GRIN2B: variants seen among roughly 807,000 people sequenced by gnomAD.
The protein encoded by GRIN2B is glutamate receptor ionotropic, NMDA 2B.
In GRIN2B, 5 loss-of-function variants were observed where a neutral mutation model predicts 114.5. The ratio of observed to expected loss-of-function variants is 0.04; its 90% CI spans 0.02 to 0.09. The LOEUF (loss-of-function observed/expected upper bound fraction) is 0.09. Among genes scored for constraint, GRIN2B ranks in the 10% least tolerant of loss-of-function variants. GRIN2B has a pLI of 1.00. For synonymous variants in GRIN2B, 787 were observed against 745.1 expected (o/e 1.06, Z -0.92); for missense variants, 1,108 against 1,943.5 (o/e 0.57, Z 8.08).
chr12:13,625,842 T>C (rs371612838), intron 5 of GRIN2B, among the ~76,000 whole-genome samples: 23 of 152,158 alleles, frequency 1.5e-4, no homozygotes, highest in African/African-American at 4.8e-4. Flanking sequence ...AAGAGTCCCA[T>C]TGAGCGAGGT....
At chr12:13,811,149 G>A (rs997881662) in intron 3 of GRIN2B, among the ~76,000 whole-genome samples, 9 of 152,312 alleles carry the variant, frequency 5.9e-5, no homozygotes, top group African/African-American at 2.2e-4. Context: ...TGTTCGGGAA[G>A]GGGATAAGAA....
chr12:13,765,053 C>T (rs760644641), intron 3 of GRIN2B, among the ~76,000 whole-genome samples: 4 of 152,216 alleles, frequency 2.6e-5, no homozygotes, highest in Non-Finnish European at 5.9e-5. Context: ...AGGCTCACAT[C>T]GGCCAACTGT....
At chr12:13,677,990 C>A (rs762317120) in intron 4 of GRIN2B, among the ~76,000 whole-genome samples, 9 of 152,070 alleles carry the variant, frequency 5.9e-5, no homozygotes, top group Non-Finnish European at 1.2e-4. Context: ...GGCAGATGCA[C>A]CTGACAGCAA....
chr12:13,594,131 C>A (rs112249282), intron 10 of GRIN2B, among the ~76,000 whole-genome samples: 10 of 152,264 alleles, frequency 6.6e-5, no homozygotes, highest in African/African-American at 2.4e-4. Flanking sequence ...CCTCAAGGAT[C>A]TAGAACTAGA....
chr12:13,981,758 G>T (rs1206013597), upstream of GRIN2B, among the ~76,000 whole-genome samples: 1 of 151,844 alleles, frequency 6.6e-6, no homozygotes. Flanking sequence ...CAGCCGGAGA[G>T]GGAGAGCAGG....
At chr12:13,623,350 T>C (rs549442513) in intron 5 of GRIN2B, among the ~76,000 whole-genome samples, 1 of 152,212 alleles carries the variant, frequency 6.6e-6, no homozygotes. Flanking sequence ...AGGATATGTA[T>C]GTTTTTAAAT....
At chr12:13,938,160 C>G (rs1056895275) in intron 2 of GRIN2B, among the ~76,000 whole-genome samples, 39 of 151,800 alleles carry the variant, frequency 2.6e-4, no homozygotes, top group African/African-American at 8.9e-4. Context: ...AACAGAGAAG[C>G]AATGAAAATC....
rs1283762707 is a variant in GRIN2B, at chr12:13,586,949, C to T, written c.2011-14985G>A. 8.5e-5 allele frequency among the ~76,000 whole-genome samples: 13 copies of T among 152,122 alleles called. 1 individual carries two copies. The highest frequency in any genetic ancestry group is 8.5e-4 in the Admixed American group (13 of 15,254). ...TCATTGACTAGTTGGTTAATTAATT[C>T]ATCTATTAATATGTGAGCACCTATA... On this transcript the variant is annotated intron_variant, in intron 10 of 13. Transcript: ENST00000609686.
chr12:13,842,480 C>A (rs1002543330), intron 3 of GRIN2B, among the ~76,000 whole-genome samples: 2 of 151,998 alleles, frequency 1.3e-5, no homozygotes, highest in African/African-American at 4.8e-5. Flanking sequence ...AATTTCTGTG[C>A]CATTTTCTCC....
intron 2 of GRIN2B, among the ~76,000 whole-genome samples, chr12:13,971,987 AG>A (rs1862931518): frequency 6.6e-6 from 1 of 152,178 alleles, no homozygotes; most frequent in African/African-American, 2.4e-5. Flanking sequence ...ATCATAGAAC[AG>A]TTTAACAGTG....
chr12:13,924,013 G>A (rs554950213), intron 2 of GRIN2B, among the ~76,000 whole-genome samples: 2 of 152,214 alleles, frequency 1.3e-5, no homozygotes, highest in Admixed American at 1.3e-4. Flanking sequence ...CTCAGTTTTG[G>A]AGAGAATGAA....
chr12:13,804,642 A>C (rs756568304), intron 3 of GRIN2B, among the ~76,000 whole-genome samples: 1 of 152,070 alleles, frequency 6.6e-6, no homozygotes, highest in Non-Finnish European at 1.5e-5. Context: ...ACACTAATTA[A>C]AACTTCTGAT....
rs200781154 is a variant in GRIN2B at position 13,631,543 on chromosome 12, T to TA, written c.1126-14887dup. On this transcript the variant is annotated intron_variant, in intron 5 of 13. Transcript: ENST00000609686. Reference sequence around the variant, plus strand: ...AAAAAGAAAAGAAAAAAAAGAAAAATACTCAGTGTTTAGAGAGTAACAAAT... The same window carrying TA: ...AAAAAGAAAAGAAAAAAAAGAAAAATAACTCAGTGTTTAGAGAGTAACAAAT... Among the ~76,000 whole-genome samples, 1,066 of 152,112 alleles carry TA rather than the reference T, an allele frequency of 7.0e-3. 6 individuals are homozygous for TA. Among genetic ancestry groups the TA allele is most frequent in the Middle Eastern group, 0.024 (7 of 292 alleles).
At chr12:13,890,623 GAGA>G (rs1325391243) in intron 2 of GRIN2B, among the ~76,000 whole-genome samples, 4 of 152,144 alleles carry the variant, frequency 2.6e-5, no homozygotes, top group South Asian at 2.1e-4. Flanking sequence ...TATATTTCTT[GAGA>G]AGAAGGGGTG....
rs986289082 is a variant in GRIN2B, at chr12:13,876,669, C to T, written c.-18-10443G>A. On this transcript the variant is annotated intron_variant, in intron 2 of 13. Coordinates refer to ENST00000609686, the MANE Select transcript of GRIN2B (RefSeq NM_000834.5). ...TATTACTGACATCAGAATAGTCACACGTCAGATTTGGAATCAATATCTTCA... is the reference window on the plus strand; with the variant it reads ...TATTACTGACATCAGAATAGTCACATGTCAGATTTGGAATCAATATCTTCA... Among the ~76,000 whole-genome samples the T allele has an allele frequency of 4.6e-5, 7 of 152,222 alleles. 1 individual carries two copies. Among genetic ancestry groups the T allele is most frequent in the South Asian group, 4.2e-4 (2 of 4,812 alleles).
In GRIN2B at chr12:13,557,065, T is replaced by C. The variant is rs1245191656; in HGVS notation, c.*5718A>G. ...TGAGGGCCTTTGTCATAGGAATAGA[T>C]AGGCTATCTCTTCTAAGTCATAGAG... On this transcript the variant is annotated 3_prime_UTR_variant, in exon 14 of 14. Coordinates refer to ENST00000609686, the MANE Select transcript of GRIN2B (RefSeq NM_000834.5). 3 of 152,214 alleles carry C rather than the reference T, an allele frequency of 2.0e-5. No homozygotes were observed. Among genetic ancestry groups the C allele is most frequent in the Non-Finnish European group, 4.4e-5 (3 of 68,038 alleles). The allele number at this position is 152,214 out of a possible 1,614,324, so 9.4% of individuals were successfully genotyped here.
chr12:13,897,092 A>G (rs1018188644), intron 2 of GRIN2B, among the ~76,000 whole-genome samples: 3 of 152,136 alleles, frequency 2.0e-5, no homozygotes, highest in African/African-American at 7.2e-5. Context: ...AATTACCCTA[A>G]AAGGAAGCAT....
chr12:13,669,831 A>G (rs1950007045), intron 5 of GRIN2B, among the ~76,000 whole-genome samples: 1 of 152,156 alleles, frequency 6.6e-6, no homozygotes, highest in African/African-American at 2.4e-5. Context: ...CCTCTATTGT[A>G]TAAACACTGA....
chr12:13,777,277 A>G (rs1008399078), intron 3 of GRIN2B, among the ~76,000 whole-genome samples: 52 of 152,282 alleles, frequency 3.4e-4, no homozygotes, highest in African/African-American at 1.3e-3. Flanking sequence ...CCTCTCACCA[A>G]CTTCCTGGAG....
Sources: allele counts gnomAD v4.1 joint callset (sites outside exome capture counted in the v4.1 genomes callset), GRCh38; gene constraint gnomAD v4.1.1; transcripts MANE v1.5; gene names NCBI Gene and HGNC (gene_info 2026-07-23, HGNC 2026-07-21).